MTX3: variants seen among roughly 807,000 people sequenced by gnomAD.
MTX3 encodes metaxin 3.
A neutral mutation model predicts 42.5 loss-of-function variants in MTX3; 27 were observed. The observed-to-expected ratio is 0.64, with a 90% CI of 0.47 to 0.88. The LOEUF (loss-of-function observed/expected upper bound fraction) is 0.88. Ranked by LOEUF, MTX3 falls within the 40% of genes least tolerant of loss-of-function variation. MTX3 has a pLI of 0.00. For synonymous variants in MTX3, 144 were observed against 132.9 expected, an observed-to-expected ratio of 1.08 and a Z score of -0.57; for missense variants, 378 against 367.0, an observed-to-expected ratio of 1.03 and a Z score of -0.25.
At position 79,980,888 on chromosome 5, in the gene MTX3, T is replaced by C. The variant is rs888366253; in HGVS notation, c.*2796A>G. 3 of 152,294 alleles carry C rather than the reference T, an allele frequency of 2.0e-5. No individual in the cohort carries two copies. The highest frequency in any genetic ancestry group is 7.2e-5 in the African/African-American group (3 of 41,440). The allele number at this position is 152,294 out of a possible 1,614,324, so 9.4% of individuals were successfully genotyped here. On this transcript the variant is annotated 3_prime_UTR_variant, in exon 9 of 9. Transcript: ENST00000512528. ...GTTCAGATTGACAAAATGTTCTTTT[T>C]GGCCGGGCGCAGTGGCTCACGCCTG...
Position 79,983,125 on chromosome 5 carries a change from G to A in MTX3, c.*559C>T, listed in dbSNP as rs1242283302. 1 of 155,044 alleles carries A rather than the reference G, an allele frequency of 6.4e-6. No individual in the cohort carries two copies. Among genetic ancestry groups the A allele is most frequent in the Non-Finnish European group, 1.4e-5 (1 of 69,884 alleles). The allele number at this position is 155,044 out of a possible 1,614,324, so 9.6% of individuals were successfully genotyped here. A position where few individuals can be genotyped will look rare whatever the true frequency, so the allele number is the denominator to read the frequency against. On this transcript the variant is annotated 3_prime_UTR_variant, in exon 9 of 9. Coordinates refer to ENST00000512528, the MANE Select transcript of MTX3 (RefSeq NM_001363818.2). The stretch of plus-strand genomic sequence containing the variant: ...TAAACCCCCAAAAGATTAGACTTAT[G>A]AGAGCATAATTAAAAAGCACATTCC...
chr5:79,988,099 G>C (rs112927832), intron 6 of MTX3, 140 bp downstream of exon 6: 7 of 634,946 alleles, frequency 1.1e-5, no homozygotes, highest in African/African-American at 5.5e-5. Flanking sequence ...TTACAGGTAT[G>C]AGCCACCACA....
In MTX3 at chr5:79,988,226, A is replaced by C; in HGVS notation, c.581+13T>G. 6.9e-7 allele frequency: 1 copy of C among 1,448,674 alleles called. No individual in the cohort carries two copies. The highest frequency in any genetic ancestry group is 1.2e-5 in the South Asian group (1 of 81,472). 89.7% of individuals were successfully genotyped at this position (1,448,674 alleles called of 1,614,324 possible). ...GCACAAAATACCAAAATGATTTTTA[A>C]GGGAATACTCACGTATCTCCAAAGA... is the stretch of plus-strand genomic sequence containing the variant. On this transcript the variant is annotated intron_variant, in intron 6 of 8. Coordinates refer to ENST00000512528, the MANE Select transcript of MTX3 (RefSeq NM_001363818.2).
chr5:79,990,009 G>C (rs1011125137), intron 3 of MTX3, 151 bp downstream of exon 3: 6 of 485,042 alleles, frequency 1.2e-5, no homozygotes, highest in Non-Finnish European at 3.7e-6. Context: ...TCATGCTTTA[G>C]AGCAGTGATT....
chr5:79,988,489 GA>G lies in MTX3; in HGVS notation c.476del (p.Leu159ProfsTer19). The G allele has an allele frequency of 1.2e-6, 2 of 1,612,428 alleles. No individual in the cohort carries two copies. Among genetic ancestry groups the G allele is most frequent in the Non-Finnish European group, 1.7e-6 (2 of 1,179,428 alleles). On this transcript the variant is annotated frameshift_variant, in exon 5 of 9. Transcript: ENST00000512528. LOFTEE classifies it high-confidence loss of function. ...GTGCTTCCACTTCTCGGAGGTGGTA[GA>G]GGGGAGGCTGTCCTCTGGTCAGGAG... ...RILLTRGQPP[L>X]YHLREVEAQI...
At position 79,982,528 on chromosome 5, in the gene MTX3, C is replaced by A; in HGVS notation, c.*1156G>T. Reference sequence around the variant, plus strand: ...TTTAGGACAACAGAAGCACCTCAACCACTAAAATAAGCAAGTTTCTATTAT... The same window carrying A: ...TTTAGGACAACAGAAGCACCTCAACAACTAAAATAAGCAAGTTTCTATTAT... On this transcript the variant is annotated 3_prime_UTR_variant, in exon 9 of 9. Coordinates refer to ENST00000512528, the MANE Select transcript of MTX3 (RefSeq NM_001363818.2). 2.5e-6 allele frequency: 1 copy of A among 398,566 alleles called. No individual in the cohort carries two copies. The highest frequency in any genetic ancestry group is 1.9e-5 in the South Asian group (1 of 54,046). 24.7% of individuals were successfully genotyped at this position (398,566 alleles called of 1,614,324 possible). A position where few individuals can be genotyped will look rare whatever the true frequency, so the allele number is the denominator to read the frequency against.
Position 79,991,166 on chromosome 5 carries a change from C to A in MTX3, c.73G>T (p.Val25Leu). Residue 25 changes from valine (V) to leucine (L), a missense_variant, in exon 1 of 9, where the codon GTG (valine) becomes TTG (leucine). Val to Leu is a conservative substitution (Grantham distance 32). Coordinates refer to ENST00000512528, the MANE Select transcript of MTX3 (RefSeq NM_001363818.2). The part of the protein sequence containing the change: ...GLPSVHSESL[V>L]VMAYAKFSGA... The stretch of plus-strand genomic sequence containing the variant: ...CCGCGAGGCGGCCTCACCATCACCA[C>A]CAGGGACTCGCTGTGAACCGATGGG... 6.5e-7 allele frequency: 1 copy of A among 1,537,676 alleles called. No homozygotes were observed. The highest frequency in any genetic ancestry group is 8.8e-7 in the Non-Finnish European group (1 of 1,139,028).
intron 4 of MTX3, among the ~76,000 whole-genome samples, chr5:79,988,891 G>T (rs898207156): frequency 6.6e-6 from 1 of 151,380 alleles, no homozygotes; most frequent in Non-Finnish European, 1.5e-5. Flanking sequence ...TTGAATGAAT[G>T]AATTACACCC....
intron 1 of MTX3, chr5:79,990,911 G>A (rs1387882586): frequency 7.1e-6 from 5 of 708,326 alleles, no homozygotes; most frequent in South Asian, 6.0e-5. Flanking sequence ...TCACTCCACC[G>A]CCCAGACAGC....
intron 1 of MTX3, 147 bp downstream of exon 1, chr5:79,991,011 G>C (rs1227203331): frequency 2.3e-6 from 2 of 887,878 alleles, no homozygotes; most frequent in Non-Finnish European, 3.7e-6. Context: ...GTTGGGACTC[G>C]TCGGTGGGAG....
rs999572009 is a variant in MTX3 at position 79,978,062 on chromosome 5, G to A, written c.*5622C>T. The A allele has an allele frequency of 2.0e-5, 3 of 152,206 alleles. No homozygotes were observed. The highest frequency in any genetic ancestry group is 7.2e-5 in the African/African-American group (3 of 41,424). The allele number at this position is 152,206 out of a possible 1,614,324, so 9.4% of individuals were successfully genotyped here. A position where few individuals can be genotyped will look rare whatever the true frequency, so the allele number is the denominator to read the frequency against. On this transcript the variant is annotated 3_prime_UTR_variant, in exon 9 of 9. Transcript: ENST00000512528. ...AGGAAACAGGCTGGAAGAGCCAGGG[G>A]CCTCCCTCACAAATGCCTAAATAAC...
At chr5:79,990,110 T>C (rs767629061) in intron 3 of MTX3, 50 bp downstream of exon 3, 2 of 1,161,428 alleles carry the variant, frequency 1.7e-6, no homozygotes, top group Non-Finnish European at 2.5e-6. Context: ...AAGCCCAACA[T>C]GCAGGGATCA....
At chr5:79,990,725 G>A (rs1423301908) in intron 1 of MTX3, 62 bp from the exon 2 acceptor site, 20 of 1,221,962 alleles carry the variant, frequency 1.6e-5, no homozygotes, top group Non-Finnish European at 2.3e-5. Flanking sequence ...CTGCAGAGCA[G>A]CTTTACTTCA....
Position 79,990,157 on chromosome 5 carries a change from CACCT to C in MTX3, c.227_228+2del, listed in dbSNP as rs1831601155. ...ATCTACTTCTTCAAAGTGAACCACC[CACCT>C]GTTTTCTTAAAAAGTTTAGTATTTT... On this transcript the variant is annotated splice_donor_variant and coding_sequence_variant, in exon 3 of 9. Coordinates refer to ENST00000512528, the MANE Select transcript of MTX3 (RefSeq NM_001363818.2). LOFTEE classifies it high-confidence loss of function. 1 of 1,597,948 alleles carries C rather than the reference CACCT, an allele frequency of 6.3e-7. No homozygotes were observed. The highest frequency in any genetic ancestry group is 2.2e-5 in the East Asian group (1 of 44,462).
At chr5:79,987,664 A>G (rs1207919871) in intron 6 of MTX3, among the ~76,000 whole-genome samples, 2 of 152,202 alleles carry the variant, frequency 1.3e-5, no homozygotes, top group Non-Finnish European at 2.9e-5. Context: ...TTGTCTTTAT[A>G]GATTCATTTT....
intron 7 of MTX3, 108 bp downstream of exon 7, chr5:79,986,842 T>C: frequency 9.2e-7 from 1 of 1,088,606 alleles, no homozygotes; most frequent in Non-Finnish European, 1.3e-6. Flanking sequence ...TAAACCACTA[T>C]TTAAAGACAA....
At position 79,988,670 on chromosome 5, in the gene MTX3, C is replaced by T. The variant is rs760132191; in HGVS notation, c.322-26G>A. The T allele has an allele frequency of 2.0e-6, 3 of 1,515,686 alleles. No homozygotes were observed. In the South Asian group the frequency reaches 3.8e-5, roughly 19 times the overall value. 93.9% of individuals were successfully genotyped at this position (1,515,686 alleles called of 1,614,324 possible). A position where few individuals can be genotyped will look rare whatever the true frequency, so the allele number is the denominator to read the frequency against. ...CTGCAAAAGAAGAGAAAAAACACTA[C>T]AAGGATGTTCTTTTATTAAATGAAA... On this transcript the variant is annotated intron_variant, in intron 4 of 8. Transcript: ENST00000512528.
chr5:79,990,102 G>T, intron 3 of MTX3, 58 bp downstream of exon 3: 3 of 1,014,588 alleles, frequency 3.0e-6, no homozygotes, highest in Non-Finnish European at 4.3e-6. Context: ...ATAAAATAAA[G>T]CCCAACATGC....
chr5:79,986,834 A>G, intron 7 of MTX3, 116 bp downstream of exon 7: 1 of 956,384 alleles, frequency 1.0e-6, no homozygotes, highest in Non-Finnish European at 1.6e-6. Flanking sequence ...AAGTGCTATA[A>G]ACCACTATTT....
Sources: allele counts gnomAD v4.1 joint callset (sites outside exome capture counted in the v4.1 genomes callset), GRCh38; gene constraint gnomAD v4.1.1; transcripts MANE v1.5; gene names NCBI Gene and HGNC (gene_info 2026-07-23, HGNC 2026-07-21).